The following CDH12 variants were observed in gnomAD, a reference collection of about 807,000 sequenced individuals.
The protein encoded by CDH12 is cadherin-12.
A neutral mutation model predicts 74.1 loss-of-function variants in CDH12; 41 were observed. The observed-to-expected ratio is 0.55, with a 90% confidence interval of 0.43 to 0.72. The LOEUF (loss-of-function observed/expected upper bound fraction) is 0.72, where lower values mean the gene tolerates loss of function less well. CDH12 is among the 30% of genes least tolerant of loss of function. CDH12 has a pLI of 0.00. For synonymous variants in CDH12, 399 were observed against 355.0 expected, an observed-to-expected ratio of 1.12 and a Z score of -1.39; for missense variants, 945 against 977.2, an observed-to-expected ratio of 0.97 and a Z score of 0.44.
intron 5 of CDH12, among the ~76,000 whole-genome samples, chr5:22,043,395 TC>T (rs1739709605): frequency 6.6e-6 from 1 of 152,072 alleles, no homozygotes; most frequent in South Asian, 2.1e-4. Flanking sequence ...AAATTCAACA[TC>T]CCTTCCCAAT....
intron 1 of CDH12, among the ~76,000 whole-genome samples, chr5:22,603,701 G>T (rs1301449708): frequency 6.6e-6 from 1 of 152,164 alleles, no homozygotes; most frequent in Non-Finnish European, 1.5e-5. Context: ...TCTCAGAACG[G>T]ACCTTGTGGT....
chr5:22,531,911 C>A (rs754186719), intron 1 of CDH12, among the ~76,000 whole-genome samples: 1 of 152,060 alleles, frequency 6.6e-6, no homozygotes, highest in African/African-American at 2.4e-5. Context: ...GAGTTTACAC[C>A]TGGAGACTGC....
chr5:22,240,392 A>C (rs998101882), intron 3 of CDH12, among the ~76,000 whole-genome samples: 16 of 152,178 alleles, frequency 1.1e-4, no homozygotes, highest in African/African-American at 3.6e-4. Context: ...GTCACCAGGC[A>C]TGCGAGAAAG....
intron 6 of CDH12, among the ~76,000 whole-genome samples, chr5:21,869,771 G>A (rs1030129716): frequency 1.3e-5 from 2 of 152,158 alleles, no homozygotes; most frequent in Non-Finnish European, 2.9e-5. Flanking sequence ...TTTATTTGGA[G>A]ATTAAGTATG....
At chr5:22,407,052 TC>T (rs1408551315) in intron 2 of CDH12, among the ~76,000 whole-genome samples, 1 of 152,112 alleles carries the variant, frequency 6.6e-6, no homozygotes, top group African/African-American at 2.4e-5. Context: ...TGGCTTCAAT[TC>T]TGTTCTTTTT....
chr5:21,864,765 G>A (rs905322436), intron 6 of CDH12, among the ~76,000 whole-genome samples: 2 of 152,186 alleles, frequency 1.3e-5, no homozygotes, highest in African/African-American at 4.8e-5. Context: ...CATGAACACA[G>A]TATTAAGAGA....
intron 1 of CDH12, among the ~76,000 whole-genome samples, chr5:22,654,179 T>G (rs1308166864): frequency 7.4e-6 from 1 of 134,604 alleles, no homozygotes; most frequent in African/African-American, 3.5e-5. Context: ...CCTTCCTTTC[T>G]TCTTTCTTTC....
chr5:22,753,442 A>G (rs1188499742), intron 1 of CDH12, among the ~76,000 whole-genome samples: 1 of 150,088 alleles, frequency 6.7e-6, no homozygotes, highest in East Asian at 2.0e-4. Flanking sequence ...GTCAGAAGAA[A>G]AAAAAAAAAG....
At chr5:21,867,210 C>A (rs532538935) in intron 6 of CDH12, among the ~76,000 whole-genome samples, 26 of 152,266 alleles carry the variant, frequency 1.7e-4, no homozygotes, top group Non-Finnish European at 3.2e-4. Context: ...CACAAATTAG[C>A]CAGGTGTGGA....
chr5:22,546,663 A>G (rs1738346385), intron 1 of CDH12, among the ~76,000 whole-genome samples: 1 of 152,184 alleles, frequency 6.6e-6, no homozygotes, highest in African/African-American at 2.4e-5. Context: ...TGACATGTCA[A>G]TTTAGTAGAG....
chr5:22,348,299 C>T (rs1580549107), intron 3 of CDH12, among the ~76,000 whole-genome samples: 1 of 152,120 alleles, frequency 6.6e-6, no homozygotes, highest in Admixed American at 6.5e-5. Context: ...ACTCTGAACC[C>T]TTAGTGGTAG....
intron 3 of CDH12, among the ~76,000 whole-genome samples, chr5:22,389,742 G>T (rs1240713436): frequency 2.0e-5 from 3 of 150,964 alleles, no homozygotes; most frequent in African/African-American, 7.3e-5. Context: ...CCGCCTCCCG[G>T]GTTCACGCCA....
At chr5:21,911,553 G>T (rs1001306270) in intron 6 of CDH12, among the ~76,000 whole-genome samples, 3 of 151,926 alleles carry the variant, frequency 2.0e-5, no homozygotes, top group Admixed American at 6.6e-5. Flanking sequence ...AATTAAACAT[G>T]ATTAAAGTCA....
At chr5:21,951,727 T>A (rs1252647454) in intron 6 of CDH12, among the ~76,000 whole-genome samples, 1 of 152,242 alleles carries the variant, frequency 6.6e-6, no homozygotes, top group African/African-American at 2.4e-5. Flanking sequence ...CTCATTTCCT[T>A]GACAATGGAA....
At chr5:22,616,097 C>G (rs1011313258) in intron 1 of CDH12, among the ~76,000 whole-genome samples, 9 of 152,106 alleles carry the variant, frequency 5.9e-5, no homozygotes, top group African/African-American at 2.2e-4. Context: ...ATTCAGTGCA[C>G]AGTTTCACCC....
intron 1 of CDH12, among the ~76,000 whole-genome samples, chr5:22,521,008 A>G (rs1015924918): frequency 6.7e-5 from 10 of 149,368 alleles, no homozygotes; most frequent in African/African-American, 2.5e-4. Flanking sequence ...TTTTTGTCTT[A>G]GTAAAGCGTG....
chr5:21,933,091 G>A (rs7449362), intron 6 of CDH12, among the ~76,000 whole-genome samples: 109,498 of 151,618 alleles, frequency 0.72, 43,227 homozygotes, highest in East Asian at 0.93. Context: ...TACATAACAA[G>A]TGGAAAATGT....
intron 1 of CDH12, chr5:22,580,508 G>A (rs984160241): frequency 6.7e-5 from 32 of 477,604 alleles, no homozygotes; most frequent in East Asian, 4.1e-4. Context: ...AGAGTGAGCC[G>A]GGGACTTCAG....
At chr5:22,220,980 C>A (rs193171976) in intron 3 of CDH12, among the ~76,000 whole-genome samples, 1 of 150,964 alleles carries the variant, frequency 6.6e-6, no homozygotes, top group Non-Finnish European at 1.5e-5. Flanking sequence ...TGAGAAGATA[C>A]CTTCATCAAA....
Sources: gnomAD v4.1 joint callset for allele counts (sites outside exome capture counted in the v4.1 genomes callset) on GRCh38, gnomAD v4.1.1 for gene constraint, MANE v1.5 for transcripts, NCBI Gene and HGNC (gene_info 2026-07-23, HGNC 2026-07-21) for gene names.